TBC1D22A: variants seen among roughly 807,000 people sequenced by gnomAD.
TBC1D22A encodes the protein TBC1 domain family member 22A.
In TBC1D22A, 38 loss-of-function variants were observed where a neutral mutation model predicts 60.2. The ratio of observed to expected loss-of-function variants is 0.63; its 90% CI spans 0.49 to 0.83. TBC1D22A has a LOEUF of 0.83. TBC1D22A is among the 40% of genes least tolerant of loss of function. The pLI, the probability that TBC1D22A is intolerant of heterozygous loss-of-function variation, is 0.00. For missense variants in TBC1D22A, 628 were observed against 701.0 expected (o/e 0.90, Z 1.18); for synonymous variants, 302 against 281.7 (o/e 1.07, Z -0.72).
intron 12 of TBC1D22A, 48 bp downstream of exon 12, chr22:47,111,651 G>C (rs1435460975): frequency 4.6e-6 from 7 of 1,536,254 alleles, no homozygotes; most frequent in Non-Finnish European, 6.3e-6. Flanking sequence ...TTTCTACTAG[G>C]AGAGAGGTTT....
At chr22:46,893,414 G>A (rs1222146238) in intron 6 of TBC1D22A, among the ~76,000 whole-genome samples, 1 of 152,186 alleles carries the variant, frequency 6.6e-6, no homozygotes, top group Non-Finnish European at 1.5e-5. Context: ...CCTCTCTAAT[G>A]TTGGAGCCTC....
At chr22:47,067,627 G>A (rs773972935) in intron 11 of TBC1D22A, among the ~76,000 whole-genome samples, 18 of 152,162 alleles carry the variant, frequency 1.2e-4, no homozygotes, top group Non-Finnish European at 2.2e-4. Context: ...CTGTTGTTTC[G>A]GGTTCATCAT....
At chr22:46,984,132 C>T (rs988230599) in intron 9 of TBC1D22A, among the ~76,000 whole-genome samples, 22 of 151,050 alleles carry the variant, frequency 1.5e-4, no homozygotes, top group African/African-American at 4.6e-4. Context: ...TTTGGGAGGC[C>T]GAAGTGGGTG....
chr22:47,063,275 C>T (rs1014752359), intron 11 of TBC1D22A, among the ~76,000 whole-genome samples: 2 of 152,128 alleles, frequency 1.3e-5, no homozygotes, highest in South Asian at 2.1e-4. Flanking sequence ...CAAGGCTGTG[C>T]GTGACTCTGG....
rs934157070 is a variant in TBC1D22A, at chr22:46,921,222, G to A, written c.1015+9034G>A. The stretch of plus-strand genomic sequence containing the variant: ...CGTAGTACCCGAGAGGTAGTTTCTC[G>A]ATTCTGACCCTCCTCCCGCTCTCCA... On this transcript the variant is annotated intron_variant, in intron 8 of 12. Transcript: ENST00000337137. Among the ~76,000 whole-genome samples the A allele has an allele frequency of 1.3e-5, 2 of 152,094 alleles. 1 individual carries two copies. The highest frequency in any genetic ancestry group is 4.1e-4 in the South Asian group (2 of 4,824).
rs185341644 is a variant in TBC1D22A, at chr22:47,042,636, G to T, written c.1329+5438G>T. Among the ~76,000 whole-genome samples the T allele has an allele frequency of 3.5e-4, 54 of 152,312 alleles. 1 individual carries two copies. In the East Asian group the frequency reaches 9.7e-3, roughly 27 times the overall value. On this transcript the variant is annotated intron_variant, in intron 11 of 12. Coordinates refer to ENST00000337137, the MANE Select transcript of TBC1D22A (RefSeq NM_014346.5). ...CAGTCGTGCCAGCCAGGGGCATGGG[G>T]CAGAGGTCAGGGCCAGAGCCTCCAA... is the stretch of plus-strand genomic sequence containing the variant.
intron 12 of TBC1D22A, among the ~76,000 whole-genome samples, chr22:47,151,104 C>T (rs751797041): frequency 1.9e-4 from 29 of 152,088 alleles, no homozygotes; most frequent in Non-Finnish European, 5.9e-5. Flanking sequence ...GGGAGCAACC[C>T]GCTCCGCTTA....
At chr22:46,841,112 G>A (rs1174790371) in intron 4 of TBC1D22A, among the ~76,000 whole-genome samples, 1 of 151,860 alleles carries the variant, frequency 6.6e-6, no homozygotes, top group Non-Finnish European at 1.5e-5. Flanking sequence ...GAGAAAATGG[G>A]ATTGCCATGG....
intron 8 of TBC1D22A, among the ~76,000 whole-genome samples, chr22:46,953,141 A>G (rs1453293684): frequency 7.1e-6 from 1 of 141,454 alleles, no homozygotes; most frequent in Non-Finnish European, 1.5e-5. Context: ...TTTTTGCATG[A>G]GAGACTTTTC....
chr22:46,802,709 G>A (rs2084948866), intron 4 of TBC1D22A, among the ~76,000 whole-genome samples: 2 of 152,204 alleles, frequency 1.3e-5, no homozygotes, highest in Non-Finnish European at 2.9e-5. Flanking sequence ...GGAAGGAAGA[G>A]CCGATGACTG....
At chr22:47,077,028 A>G (rs1008777703) in intron 11 of TBC1D22A, among the ~76,000 whole-genome samples, 6 of 152,200 alleles carry the variant, frequency 3.9e-5, no homozygotes, top group African/African-American at 1.4e-4. Context: ...TATTGCCTGT[A>G]CTTCTGCCTG....
chr22:46,971,584 AC>A (rs2074061822), intron 8 of TBC1D22A, among the ~76,000 whole-genome samples: 1 of 152,018 alleles, frequency 6.6e-6, no homozygotes, highest in South Asian at 2.1e-4. Context: ...GAGGCCACTT[AC>A]CCTCCTGTCT....
intron 10 of TBC1D22A, among the ~76,000 whole-genome samples, chr22:47,005,034 C>A (rs1443325034): frequency 6.6e-6 from 1 of 151,640 alleles, no homozygotes; most frequent in Non-Finnish European, 1.5e-5. Context: ...TATAGACAGG[C>A]CTATACACAC....
intron 5 of TBC1D22A, among the ~76,000 whole-genome samples, chr22:46,885,902 G>A (rs894556595): frequency 3.4e-5 from 5 of 149,138 alleles, no homozygotes; most frequent in African/African-American, 5.1e-5. Flanking sequence ...TTTTGTTACT[G>A]TTAGAATTTT....
chr22:46,966,571 A>T (rs925652220), intron 8 of TBC1D22A, among the ~76,000 whole-genome samples: 1 of 152,258 alleles, frequency 6.6e-6, no homozygotes, highest in Admixed American at 6.5e-5. Flanking sequence ...TTGAAACATT[A>T]AAGATCCACT....
chr22:46,877,531 G>A (rs1194316521), intron 4 of TBC1D22A, among the ~76,000 whole-genome samples: 1 of 152,186 alleles, frequency 6.6e-6, no homozygotes, highest in Non-Finnish European at 1.5e-5. Flanking sequence ...TAGGGTACTG[G>A]GGAAGATTTG....
chr22:47,051,453 A>C (rs140545), intron 11 of TBC1D22A, among the ~76,000 whole-genome samples: 61,589 of 152,090 alleles, frequency 0.4, 13,121 homozygotes, highest in East Asian at 0.56. Flanking sequence ...TGCTCTCTGG[A>C]TCCTCCTGGA....
At chr22:47,015,692 A>G (rs1476805613) in intron 10 of TBC1D22A, among the ~76,000 whole-genome samples, 1 of 152,216 alleles carries the variant, frequency 6.6e-6, no homozygotes, top group Non-Finnish European at 1.5e-5. Flanking sequence ...CCAGCATCCA[A>G]GAGGCAGACC....
Position 46,792,706 on chromosome 22 carries a change from C to T in TBC1D22A, c.119+130C>T, listed in dbSNP as rs943921007. 5.5e-5 allele frequency: 87 copies of T among 1,588,880 alleles called. No homozygotes were observed. In the South Asian group the frequency reaches 6.2e-4, roughly 11 times the overall value. ...AGGAGACTGGTTTCTCATTCAGCCA[C>T]ACTGATCAAGCAGTCGCTTTGTGTG... On this transcript the variant is annotated intron_variant, in intron 2 of 12. Coordinates refer to ENST00000337137, the MANE Select transcript of TBC1D22A (RefSeq NM_014346.5).
Sources: gnomAD v4.1 joint callset for allele counts (sites outside exome capture counted in the v4.1 genomes callset) on GRCh38, gnomAD v4.1.1 for gene constraint, MANE v1.5 for transcripts, NCBI Gene and HGNC (gene_info 2026-07-23, HGNC 2026-07-21) for gene names.